The following PHF6 variants were observed in gnomAD, a reference collection of about 807,000 sequenced individuals.
PHF6 encodes the protein PHD-like zinc finger protein.
Under a neutral mutation model 34.0 loss-of-function variants are expected in PHF6, and 7 were observed. The observed-to-expected ratio is 0.21, with a 90% CI of 0.12 to 0.39. The LOEUF is 0.39. Ranked by LOEUF, PHF6 falls within the 10% of genes least tolerant of loss-of-function variation. The pLI is 1.00. For missense variants in PHF6, 128 were observed against 262.8 expected, an observed-to-expected ratio of 0.49 and a Z score of 3.55; for synonymous variants, 89 against 88.4, an observed-to-expected ratio of 1.01 and a Z score of -0.04.
Position 134,413,529 on chromosome X carries a change from C to T in PHF6, c.457C>T (p.Pro153Ser), listed in dbSNP as rs780466056. ...EESFNEHELE[P>S]SSPKSKKKSR... The stretch of plus-strand genomic sequence containing the variant: ...AAGTTTTAATGAACATGAACTGGAG[C>T]CCTCATCACCTAAAAGTAAAAAGAA... The change falls in exon 6 of 11, where the codon CCC (proline) becomes TCC (serine). Residue 153 changes from proline (P) to serine (S), a missense_variant. By Grantham distance (74) the Pro-to-Ser change is moderately conservative (BLOSUM62 -1). This residue lies in a region of PHF6 where 97 missense variants were observed against 152.9 expected (regional missense o/e 0.63). Transcript: ENST00000370803. The T allele has an allele frequency of 8.3e-7, 1 of 1,209,919 alleles. No individual in the cohort carries two copies. The highest frequency in any genetic ancestry group is 3.0e-5 in the East Asian group (1 of 33,799).
In PHF6 at chrX:134,427,983, C is replaced by T. The variant is rs2077512754; in HGVS notation, c.*2323C>T. 1 of 153,773 alleles carries T rather than the reference C, an allele frequency of 6.5e-6. No homozygotes were observed. Among genetic ancestry groups the T allele is most frequent in the Non-Finnish European group, 1.3e-5 (1 of 78,734 alleles). 12.7% of individuals were successfully genotyped at this position (153,773 alleles called of 1,213,427 possible). A position where few individuals can be genotyped will look rare whatever the true frequency, so the allele number is the denominator to read the frequency against. On this transcript the variant is annotated 3_prime_UTR_variant, in exon 11 of 11. Coordinates refer to ENST00000370803, the MANE Select transcript of PHF6 (RefSeq NM_001015877.2). Reference sequence around the variant, plus strand: ...TGTATTTACTGTACATCTCTTAAGTCCTTAACTGTAGTTTTAATAAGCATG... The same window carrying T: ...TGTATTTACTGTACATCTCTTAAGTTCTTAACTGTAGTTTTAATAAGCATG...
intron 5 of PHF6, among the ~76,000 whole-genome samples, chrX:134,407,831 G>GGGAGGTCA (rs2077431904): frequency 9.0e-6 from 1 of 111,558 alleles, no homozygotes; most frequent in Non-Finnish European, 1.9e-5. Flanking sequence ...TTTTCTGGGT[G>GGGAGGTCA]GGAGGTCAGG....
Position 134,428,759 on chromosome X carries a change from C to G in PHF6, c.*3099C>G, listed in dbSNP as rs925368007. ...CCTTTTATTGGTATTCTTGCATATA[C>G]TATTCATTCAATAAATGACTTATGA... On this transcript the variant is annotated 3_prime_UTR_variant, in exon 11 of 11. Transcript: ENST00000370803. 3 of 135,050 alleles carry G rather than the reference C, an allele frequency of 2.2e-5. No homozygotes were observed. The highest frequency in any genetic ancestry group is 2.9e-3 in the Middle Eastern group (1 of 340). 11.1% of individuals were successfully genotyped at this position (135,050 alleles called of 1,213,427 possible).
chrX:134,428,441 A>G lies in PHF6; in HGVS notation c.*2781A>G, dbSNP rs921178729. 3 of 157,564 alleles carry G rather than the reference A, an allele frequency of 1.9e-5. No individual in the cohort carries two copies. The highest frequency in any genetic ancestry group is 3.7e-5 in the Non-Finnish European group (3 of 80,867). 13.0% of individuals were successfully genotyped at this position (157,564 alleles called of 1,213,427 possible). ...TACATGCTACTCAAGATATTAAGAGATAACAAGATCTGTAGATCTGCTATT... is the reference window on the plus strand; with the variant it reads ...TACATGCTACTCAAGATATTAAGAGGTAACAAGATCTGTAGATCTGCTATT... On this transcript the variant is annotated 3_prime_UTR_variant, in exon 11 of 11. Coordinates refer to ENST00000370803, the MANE Select transcript of PHF6 (RefSeq NM_001015877.2).
chrX:134,426,803 T>C lies in PHF6; in HGVS notation c.*1143T>C. ...CTAGGTAGTGATATTTTCTTCCACT[T>C]ACCTGCTGAAGCACATTTATGCATT... On this transcript the variant is annotated 3_prime_UTR_variant, in exon 11 of 11. Transcript: ENST00000370803. The C allele has an allele frequency of 6.1e-6, 1 of 163,171 alleles. No homozygotes were observed. The highest frequency in any genetic ancestry group is 1.2e-5 in the Non-Finnish European group (1 of 83,574). 13.4% of individuals were successfully genotyped at this position (163,171 alleles called of 1,213,427 possible).
At chrX:134,399,652 TACACAC>T (rs201158134) in intron 5 of PHF6, among the ~76,000 whole-genome samples, 3 of 101,271 alleles carry the variant, frequency 3.0e-5, no homozygotes, top group Non-Finnish European at 6.0e-5. Context: ...ACCCCTAACA[TACACAC>T]ACACACACAC....
chrX:134,377,327 C>A (rs762936215), intron 1 of PHF6, among the ~76,000 whole-genome samples: 64 of 111,625 alleles, frequency 5.7e-4, no homozygotes, highest in African/African-American at 1.9e-3. Flanking sequence ...TATATTAAAA[C>A]CTATGTCAAA....
At chrX:134,415,374 T>G (rs759944829) in intron 8 of PHF6, 20 of 416,300 alleles carry the variant, frequency 4.8e-5, no homozygotes, top group Non-Finnish European at 2.4e-5. Flanking sequence ...TTGCAAGCCG[T>G]TTAATAAAAT....
intron 5 of PHF6, among the ~76,000 whole-genome samples, chrX:134,406,968 A>G (rs756007509): frequency 2.2e-4 from 25 of 112,191 alleles, no homozygotes; most frequent in Non-Finnish European, 3.2e-4. Flanking sequence ...GTGCATACAT[A>G]AGCATAACTG....
At chrX:134,407,531 A>C (rs192871129) in intron 5 of PHF6, among the ~76,000 whole-genome samples, 149 of 112,530 alleles carry the variant, frequency 1.3e-3, no homozygotes, top group Middle Eastern at 4.6e-3. Context: ...GAAAGTTGTC[A>C]AGCTATATTA....
chrX:134,425,346 A>G lies in PHF6; in HGVS notation c.*16A>G. ...TGGAAACTAGGTATGAAAGTTAATTATATGGGATCTGTTGTCAGGATACAA... is the reference window on the plus strand; with the variant it reads ...TGGAAACTAGGTATGAAAGTTAATTGTATGGGATCTGTTGTCAGGATACAA... On this transcript the variant is annotated intron_variant, in intron 10 of 10. Transcript: ENST00000370803. The G allele has an allele frequency of 8.3e-7, 1 of 1,208,123 alleles. No individual in the cohort carries two copies. Among genetic ancestry groups the G allele is most frequent in the Non-Finnish European group, 1.1e-6 (1 of 892,201 alleles).
intron 5 of PHF6, among the ~76,000 whole-genome samples, chrX:134,398,920 A>C (rs753427201): frequency 1.8e-5 from 2 of 111,704 alleles, no homozygotes; most frequent in Non-Finnish European, 3.8e-5. Context: ...AAATTTGCCA[A>C]GTGTGAGTAT....
At chrX:134,401,523 A>T (rs1260526212) in intron 5 of PHF6, among the ~76,000 whole-genome samples, 7 of 112,208 alleles carry the variant, frequency 6.2e-5, no homozygotes, top group Non-Finnish European at 1.3e-4. Context: ...TCTTACTCTT[A>T]AACCTTTCAG....
At position 134,427,415 on chromosome X, in the gene PHF6, AT is replaced by A; in HGVS notation, c.*1761del. 6.2e-6 allele frequency: 1 copy of A among 160,384 alleles called. No individual in the cohort carries two copies. 13.2% of individuals were successfully genotyped at this position (160,384 alleles called of 1,213,427 possible). ...ATCCTTAAATCACTGTGTCTAGATCATTTTTTACATTGTGTGCCATAGACTT... is the reference window on the plus strand; with the variant it reads ...ATCCTTAAATCACTGTGTCTAGATCATTTTTACATTGTGTGCCATAGACTT... On this transcript the variant is annotated 3_prime_UTR_variant, in exon 11 of 11. Coordinates refer to ENST00000370803, the MANE Select transcript of PHF6 (RefSeq NM_001015877.2).
At chrX:134,399,805 T>G (rs2077395497) in intron 5 of PHF6, among the ~76,000 whole-genome samples, 1 of 110,956 alleles carries the variant, frequency 9.0e-6, no homozygotes, top group Admixed American at 9.6e-5. Context: ...GTCCATAGTT[T>G]AAATTAGTGC....
intron 5 of PHF6, among the ~76,000 whole-genome samples, chrX:134,408,971 C>T (rs1003008002): frequency 8.9e-6 from 1 of 112,048 alleles, no homozygotes; most frequent in African/African-American, 3.2e-5. Flanking sequence ...ACCTCAGCCT[C>T]CCAAAGTGCT....
At chrX:134,385,476 T>C (rs760229341) in intron 3 of PHF6, among the ~76,000 whole-genome samples, 1 of 111,872 alleles carries the variant, frequency 8.9e-6, no homozygotes, top group Non-Finnish European at 1.9e-5. Flanking sequence ...ACTCTTAATA[T>C]GGTGCTTGAT....
intron 9 of PHF6, among the ~76,000 whole-genome samples, chrX:134,421,244 A>AAGGTCTCCTTCCACATATGTGTGTGT (rs1315848773): frequency 9.0e-5 from 10 of 111,229 alleles, no homozygotes; most frequent in Admixed American, 1.9e-4. Context: ...ACCCCTCCTT[A>AAGGTCTCCTTCCACATATGTGTGTGT]AGGTCTCCTT....
intron 5 of PHF6, among the ~76,000 whole-genome samples, chrX:134,399,363 C>T (rs770392355): frequency 9.0e-6 from 1 of 111,032 alleles, no homozygotes; most frequent in Admixed American, 9.6e-5. Context: ...ATGTACCACA[C>T]TAAGAGTACC....
Sources: gnomAD v4.1 joint callset for allele counts (sites outside exome capture counted in the v4.1 genomes callset) on GRCh38, gnomAD v4.1.1 for gene constraint, gnomAD v4.1.1 regional missense constraint, MANE v1.5 for transcripts, NCBI Gene and HGNC (gene_info 2026-07-23, HGNC 2026-07-21) for gene names.